Variants in MTG2 observed in about 807,000 individuals in gnomAD.
MTG2 encodes mitochondrial ribosome associated GTPase 2, also known as mitochondrial ribosome-associated GTPase 2.
In MTG2, 23 loss-of-function variants were observed where a neutral mutation model predicts 28.6. The ratio of observed to expected loss-of-function variants is 0.80; its 90% CI spans 0.58 to 1.14. MTG2 has a LOEUF of 1.14. Among genes scored for constraint, MTG2 ranks in the 50% most tolerant of loss-of-function variants. The pLI, the probability that MTG2 is intolerant of heterozygous loss-of-function variation, is 0.00. For missense variants in MTG2, 539 were observed against 552.0 expected (o/e 0.98, Z 0.24); for synonymous variants, 260 against 251.8 (o/e 1.03, Z -0.31).
In MTG2 at chr20:62,184,661, G is replaced by T. The variant is rs1161034057; in HGVS notation, c.-6+1604G>T. Among the ~76,000 whole-genome samples, 4 of 152,184 alleles carry T rather than the reference G, an allele frequency of 2.6e-5. No individual in the cohort carries two copies. The East Asian group carries it at 7.7e-4, about 29-fold the overall frequency. On this transcript the variant is annotated intron_variant, in intron 1 of 6. Coordinates refer to ENST00000370823, the MANE Select transcript of MTG2 (RefSeq NM_015666.4). ...CTCCTGCCTCCAGTCTCTGGTAGAG[G>T]GCCAGGTCCCAGTAGGTTTTCCTAT...
At chr20:62,187,091 T>C (rs777684641) in intron 1 of MTG2, among the ~76,000 whole-genome samples, 29 of 152,332 alleles carry the variant, frequency 1.9e-4, no homozygotes, top group Non-Finnish European at 1.5e-4. Flanking sequence ...TGAGATGTTT[T>C]GTTTTCCTCC....
At chr20:62,188,198 T>A (rs1267372855) in intron 1 of MTG2, among the ~76,000 whole-genome samples, 1 of 152,190 alleles carries the variant, frequency 6.6e-6, no homozygotes, top group African/African-American at 2.4e-5. Flanking sequence ...TTTTGTAATT[T>A]CTCTTTTGAT....
intron 6 of MTG2, 124 bp from the exon 7 acceptor site, chr20:62,200,559 A>G (rs1259319132): frequency 4.1e-5 from 49 of 1,207,450 alleles, no homozygotes; most frequent in South Asian, 6.1e-5. Flanking sequence ...GGAAAGTGTT[A>G]GAACTCAGGA....
At chr20:62,192,994 T>C (rs753114721) in intron 1 of MTG2, among the ~76,000 whole-genome samples, 23 of 152,264 alleles carry the variant, frequency 1.5e-4, no homozygotes, top group Non-Finnish European at 3.1e-4. Context: ...TTTAATATTC[T>C]TGTGTTCCAA....
Position 62,199,151 on chromosome 20 carries a change from G to C in MTG2, c.720G>C (p.Leu240=), listed in dbSNP as rs1403121590. ...VGFPNAGKSS[L]LRAISNARPA... ...TCCCCAACGCCGGGAAGTCCTCACT[G>C]CTCCGGGCCATTTCAAACGCCAGAC... The change falls in exon 6 of 7, where the codon CTG becomes CTC. Residue 240 remains leucine, a synonymous_variant. Coordinates refer to ENST00000370823, the MANE Select transcript of MTG2 (RefSeq NM_015666.4). 2 of 1,614,124 alleles carry C rather than the reference G, an allele frequency of 1.2e-6. No homozygotes were observed. The highest frequency in any genetic ancestry group is 1.7e-5 in the Admixed American group (1 of 60,026).
intron 1 of MTG2, among the ~76,000 whole-genome samples, chr20:62,184,325 T>TC (rs754637373): frequency 5.9e-5 from 9 of 151,292 alleles, no homozygotes; most frequent in Non-Finnish European, 1.0e-4. Flanking sequence ...ACCACTCTGC[T>TC]CCAGCCTAGG....
intron 6 of MTG2, among the ~76,000 whole-genome samples, chr20:62,199,757 C>T (rs1307829720): frequency 7.9e-6 from 1 of 125,900 alleles, no homozygotes; most frequent in Non-Finnish European, 1.6e-5. Context: ...TGCAGTGGTG[C>T]GATCTCAGCT....
At chr20:62,194,749 C>T (rs2058028936) in intron 2 of MTG2, among the ~76,000 whole-genome samples, 1 of 152,160 alleles carries the variant, frequency 6.6e-6, no homozygotes, top group African/African-American at 2.4e-5. Context: ...TGCACGTGGG[C>T]AGAAGCCAGG....
Position 62,197,778 on chromosome 20 carries a change from T to C in MTG2, c.353-74T>C, listed in dbSNP as rs756734787. ...ATACCTATTTTTAAGGTTCTTAAAC[T>C]GGACCCAGACACATCAGCAATAGGC... is the stretch of plus-strand genomic sequence containing the variant. On this transcript the variant is annotated intron_variant, in intron 3 of 6. Coordinates refer to ENST00000370823, the MANE Select transcript of MTG2 (RefSeq NM_015666.4). 1,129 of 1,308,584 alleles carry C rather than the reference T, an allele frequency of 8.6e-4. 4 individuals carry two copies. Among genetic ancestry groups the C allele is most frequent in the Non-Finnish European group, 7.0e-4 (632 of 905,102 alleles). 81.1% of individuals were successfully genotyped at this position (1,308,584 alleles called of 1,614,324 possible). A position where few individuals can be genotyped will look rare whatever the true frequency, so the allele number is the denominator to read the frequency against.
In MTG2 at chr20:62,193,459, C is replaced by T. The variant is rs761130384; in HGVS notation, c.39C>T (p.Thr13=). 1.5e-5 allele frequency: 24 copies of T among 1,614,012 alleles called. No individual in the cohort carries two copies. The highest frequency in any genetic ancestry group is 5.0e-5 in the Admixed American group (3 of 59,992). ...GGTGTTTCTCAGCAAGATTGAGGAC[C>T]GTGTTTCAGGGCGTGGGGCATTGGG... ...PARCFSARLR[T]VFQGVGHWAL... The change falls in exon 2 of 7, where the codon ACC becomes ACT. Residue 13 remains threonine, a synonymous_variant. Transcript: ENST00000370823.
intron 5 of MTG2, 105 bp downstream of exon 5, chr20:62,198,957 C>G: frequency 6.4e-7 from 1 of 1,551,098 alleles, no homozygotes; most frequent in Non-Finnish European, 8.8e-7. Flanking sequence ...AGCTTTGCGA[C>G]TCACCTTTTT....
intron 1 of MTG2, among the ~76,000 whole-genome samples, chr20:62,186,306 C>T (rs6121528): frequency 6.6e-6 from 1 of 152,036 alleles, no homozygotes; most frequent in Non-Finnish European, 1.5e-5. Flanking sequence ...CTGAAAAATA[C>T]TTAGAACAGT....
At chr20:62,199,087 G>A (rs2058113550) in intron 5 of MTG2, 32 bp from the exon 6 acceptor site, 1 of 1,612,246 alleles carries the variant, frequency 6.2e-7, no homozygotes, top group East Asian at 2.2e-5. Context: ...TGCTGCCGCG[G>A]GCCGTGCCAC....
At position 62,202,777 on chromosome 20, in the gene MTG2, ACAAAGAAG is replaced by A. The variant is rs1348092511; in HGVS notation, c.*1703_*1710del. ...CAAAAAAAAAAAAAAAGTGGAGGGG[ACAAAGAAG>A]CAGAGAAGGATGATCAGAAGGGGAC... On this transcript the variant is annotated 3_prime_UTR_variant, in exon 7 of 7. Coordinates refer to ENST00000370823, the MANE Select transcript of MTG2 (RefSeq NM_015666.4). The A allele has an allele frequency of 1.0e-3, 149 of 148,862 alleles. 10 individuals carry two copies. Among genetic ancestry groups the A allele is most frequent in the Non-Finnish European group, 7.4e-5 (5 of 67,764 alleles). 9.2% of individuals were successfully genotyped at this position (148,862 alleles called of 1,614,324 possible). A position where few individuals can be genotyped will look rare whatever the true frequency, so the allele number is the denominator to read the frequency against.
intron 1 of MTG2, among the ~76,000 whole-genome samples, chr20:62,188,423 T>C (rs2057891560): frequency 6.6e-6 from 1 of 151,596 alleles, no homozygotes; most frequent in African/African-American, 2.4e-5. Context: ...AGCCTCCAAC[T>C]CCTGGGCTTA....
chr20:62,193,328 A>T, intron 1 of MTG2, 88 bp from the exon 2 acceptor site: 1 of 1,272,486 alleles, frequency 7.9e-7, no homozygotes, highest in Non-Finnish European at 1.1e-6. Context: ...GTGCACAAAG[A>T]CCTGCTGCAT....
intron 4 of MTG2, 195 bp downstream of exon 4, chr20:62,198,162 C>G: frequency 3.4e-6 from 2 of 592,162 alleles, no homozygotes; most frequent in Non-Finnish European, 6.0e-6. Context: ...GCATTTGTAC[C>G]AGGGTCTCAC....
At position 62,189,513 on chromosome 20, in the gene MTG2, G is replaced by A. The variant is rs78214993; in HGVS notation, c.-5-3903G>A. Among the ~76,000 whole-genome samples, 337 of 151,138 alleles carry A rather than the reference G, an allele frequency of 2.2e-3. 1 individual carries two copies. The highest frequency in any genetic ancestry group is 7.8e-3 in the African/African-American group (321 of 41,210). On this transcript the variant is annotated intron_variant, in intron 1 of 6. Transcript: ENST00000370823. ...GAGACAGGAGTCTTGCTATTTTGCC[G>A]AGGCTGGTCTCGAACTCATGGCTTC...
intron 1 of MTG2, among the ~76,000 whole-genome samples, chr20:62,184,934 A>AC (rs2057809704): frequency 6.6e-6 from 1 of 151,960 alleles, no homozygotes; most frequent in Non-Finnish European, 1.5e-5. Flanking sequence ...ACACGGTGAA[A>AC]CCCCGTCTCT....
Sources: gnomAD v4.1 joint callset for allele counts (sites outside exome capture counted in the v4.1 genomes callset) on GRCh38, gnomAD v4.1.1 for gene constraint, MANE v1.5 for transcripts, NCBI Gene and HGNC (gene_info 2026-07-23, HGNC 2026-07-21) for gene names.